TACC2: variants seen among roughly 807,000 people sequenced by gnomAD.
TACC2 encodes the protein transforming acidic coiled-coil containing protein 2.
Under a neutral mutation model 227.3 loss-of-function variants are expected in TACC2, and 137 were observed. The ratio of observed to expected loss-of-function variants is 0.60; its 90% CI spans 0.52 to 0.69. The LOEUF is 0.69. Ranked by LOEUF, TACC2 falls within the 30% of genes least tolerant of loss-of-function variation. The probability of loss-of-function intolerance (pLI) is 0.00; values close to 1 mark genes in which losing one functional copy is unlikely to be tolerated. For missense variants in TACC2, 3,470 were observed against 3,694.4 expected, an observed-to-expected ratio of 0.94 and a Z score of 1.57; for synonymous variants, 1,523 against 1,487.5, an observed-to-expected ratio of 1.02 and a Z score of -0.55.
intron 5 of TACC2, among the ~76,000 whole-genome samples, chr10:122,117,191 CTTTTTT>C (rs71482688): frequency 3.1e-5 from 4 of 129,820 alleles, no homozygotes; most frequent in Non-Finnish European, 4.8e-5. Flanking sequence ...TCTTAGAAAT[CTTTTTT>C]TTTTTTTTTT....
At chr10:122,091,527 CT>C (rs1312522521) in intron 5 of TACC2, among the ~76,000 whole-genome samples, 1 of 152,150 alleles carries the variant, frequency 6.6e-6, no homozygotes, top group Non-Finnish European at 1.5e-5. Flanking sequence ...TTGGCCTTCC[CT>C]GTGCTTTAGG....
At chr10:122,012,457 T>G (rs553351244) in intron 1 of TACC2, among the ~76,000 whole-genome samples, 2 of 142,158 alleles carry the variant, frequency 1.4e-5, no homozygotes, top group South Asian at 4.5e-4. Flanking sequence ...TTTCGCCATG[T>G]TGGCCAGGCT....
rs1213658907 is a variant in TACC2 at position 122,230,342 on chromosome 10, T to C, written c.8038-9T>C. On this transcript the variant is annotated splice_polypyrimidine_tract_variant and intron_variant, in intron 15 of 22. Transcript: ENST00000369005. ...TTCCCTGCGGTTTGCCCACACTCCCTGTGGGCAGGAGGAGTTAGAGTTTGC... is the reference window on the plus strand; with the variant it reads ...TTCCCTGCGGTTTGCCCACACTCCCCGTGGGCAGGAGGAGTTAGAGTTTGC... 2.5e-6 allele frequency: 4 copies of C among 1,613,470 alleles called. No homozygotes were observed. The East Asian group carries it at 6.7e-5, about 27-fold the overall frequency.
chr10:122,177,892 G>A lies in TACC2; in HGVS notation c.5835-17148G>A, dbSNP rs1480217074. 2.6e-5 allele frequency among the ~76,000 whole-genome samples: 4 copies of A among 152,138 alleles called. 1 individual carries two copies. The highest frequency in any genetic ancestry group is 4.1e-4 in the South Asian group (2 of 4,828). ...GAGCAGCATTTCATGCCTCTGAGAG[G>A]CCCCTGAACCCTGGATTTACCCTGG... On this transcript the variant is annotated intron_variant, in intron 7 of 22. Transcript: ENST00000369005.
intron 3 of TACC2, among the ~76,000 whole-genome samples, chr10:122,068,118 C>T (rs1254527956): frequency 1.3e-5 from 2 of 152,156 alleles, no homozygotes; most frequent in Non-Finnish European, 2.9e-5. Flanking sequence ...TCATTAATTT[C>T]ACCCAGTGGG....
intron 8 of TACC2, among the ~76,000 whole-genome samples, chr10:122,200,654 T>C (rs373397121): frequency 8.6e-3 from 589 of 68,862 alleles, no homozygotes; most frequent in Middle Eastern, 0.066. Context: ...GTGGCCACAT[T>C]TACAGTGAGA....
At chr10:122,029,386 G>T (rs1958645135) in intron 2 of TACC2, among the ~76,000 whole-genome samples, 1 of 152,060 alleles carries the variant, frequency 6.6e-6, no homozygotes, top group Admixed American at 6.6e-5. Context: ...TTTACACATT[G>T]TTGGATTCAA....
At chr10:122,058,182 T>A (rs908326806) in intron 3 of TACC2, among the ~76,000 whole-genome samples, 2 of 152,220 alleles carry the variant, frequency 1.3e-5, no homozygotes, top group African/African-American at 4.8e-5. Flanking sequence ...GCATGGGGTG[T>A]AACATGTCCA....
intron 7 of TACC2, among the ~76,000 whole-genome samples, chr10:122,175,679 G>A (rs1054534556): frequency 1.3e-5 from 2 of 152,168 alleles, no homozygotes; most frequent in South Asian, 2.1e-4. Context: ...GACCAGGTAC[G>A]GACTTTCCTG....
intron 3 of TACC2, among the ~76,000 whole-genome samples, chr10:122,053,887 C>T (rs1414391979): frequency 6.6e-6 from 1 of 152,220 alleles, no homozygotes; most frequent in Non-Finnish European, 1.5e-5. Context: ...CTGTTTTCTA[C>T]TTGGAAAAAT....
chr10:122,176,093 C>G (rs1455016343), intron 7 of TACC2, among the ~76,000 whole-genome samples: 4 of 85,720 alleles, frequency 4.7e-5, no homozygotes, highest in African/African-American at 1.6e-4. Context: ...CTCTCTCTCT[C>G]TCTCTCTCTC....
At chr10:122,079,476 G>A (rs1238915978) in intron 3 of TACC2, among the ~76,000 whole-genome samples, 4 of 152,202 alleles carry the variant, frequency 2.6e-5, no homozygotes, top group South Asian at 4.1e-4. Context: ...GTCAGAAAAT[G>A]CAAATCTGGT....
At chr10:122,228,668 T>C (rs2095674386) in intron 14 of TACC2, among the ~76,000 whole-genome samples, 1 of 152,188 alleles carries the variant, frequency 6.6e-6, no homozygotes, top group Admixed American at 6.5e-5. Context: ...GCCCTTGATT[T>C]AGTGTGTTAT....
rs566957374 is a variant in TACC2, at chr10:122,141,539, G to A, written c.5700-2033G>A. Among the ~76,000 whole-genome samples, 1 of 152,194 alleles carries A rather than the reference G, an allele frequency of 6.6e-6. No homozygotes were observed. Among genetic ancestry groups the A allele is most frequent in the Non-Finnish European group, 1.5e-5 (1 of 67,992 alleles). Reference sequence around the variant, plus strand: ...GCAGGCGGGGGAGCTTGGTGAGTGAGCCTTGGTTGTGCTGCCCCAGGGTGT... The same window carrying A: ...GCAGGCGGGGGAGCTTGGTGAGTGAACCTTGGTTGTGCTGCCCCAGGGTGT... On this transcript the variant is annotated intron_variant, in intron 6 of 22. Coordinates refer to ENST00000369005, the MANE Select transcript of TACC2 (RefSeq NM_206862.4). The surrounding 1 kb of genome is among the most constrained non-coding windows in gnomAD (Gnocchi z 4.3).
intron 5 of TACC2, among the ~76,000 whole-genome samples, chr10:122,132,066 A>AAAG (rs2088334973): frequency 1.7e-5 from 1 of 58,250 alleles, no homozygotes; most frequent in African/African-American, 6.9e-5. Flanking sequence ...GAAAGAAAGA[A>AAAG]AAAGAAAGAA....
intron 7 of TACC2, among the ~76,000 whole-genome samples, chr10:122,173,320 C>G (rs1339065094): frequency 1.3e-5 from 2 of 152,218 alleles, no homozygotes; most frequent in Non-Finnish European, 2.9e-5. Flanking sequence ...ATACTGGCTT[C>G]CAGCTGCTGG....
intron 7 of TACC2, among the ~76,000 whole-genome samples, chr10:122,159,295 A>C (rs185237352): frequency 6.6e-6 from 1 of 152,332 alleles, no homozygotes; most frequent in African/African-American, 2.4e-5. Flanking sequence ...GTGATGCGGC[A>C]GTGTGTCCTT....
Position 122,084,746 on chromosome 10 carries a change from G to T in TACC2, c.2246G>T (p.Ser749Ile). ...ACATTGGAAATAAGGAAGATGGGCAGCTGTGATGGGGAGGGCTTGCTGACG... is the reference window on the plus strand; with the variant it reads ...ACATTGGAAATAAGGAAGATGGGCATCTGTGATGGGGAGGGCTTGCTGACG... ...ESTLEIRKMG[S>I]CDGEGLLTSP... The change falls in exon 4 of 23, where the codon AGC becomes ATC. Residue 749 changes from serine to isoleucine, a missense_variant. Ser to Ile is a moderately radical substitution (Grantham distance 142). Around this residue, in one of 10 missense-constraint regions of TACC2, gnomAD observed 1,924 missense variants for 1,978.3 expected, o/e 0.97. Coordinates refer to ENST00000369005, the MANE Select transcript of TACC2 (RefSeq NM_206862.4). 1 of 1,613,678 alleles carries T rather than the reference G, an allele frequency of 6.2e-7. No individual in the cohort carries two copies. Among genetic ancestry groups the T allele is most frequent in the Non-Finnish European group, 8.5e-7 (1 of 1,180,034 alleles).
At chr10:122,140,293 T>C (rs1250969517) in intron 6 of TACC2, among the ~76,000 whole-genome samples, 3 of 152,244 alleles carry the variant, frequency 2.0e-5, no homozygotes, top group Admixed American at 2.0e-4. Flanking sequence ...CAATAAGTCA[T>C]GGCTGTCTGC....
Sources: gnomAD v4.1 joint callset for allele counts (sites outside exome capture counted in the v4.1 genomes callset) on GRCh38, gnomAD v4.1.1 for gene constraint, gnomAD v4.1.1 regional missense constraint, Gnocchi (gnomAD v3.1) non-coding constraint, MANE v1.5 for transcripts, NCBI Gene and HGNC (gene_info 2026-07-23, HGNC 2026-07-21) for gene names.